LARP4B: variants seen among roughly 807,000 people sequenced by gnomAD.
LARP4B encodes the protein La ribonucleoprotein 4B, also known as la-related protein 4B.
LARP4B carries 12 observed loss-of-function variants against 89.8 expected under a neutral mutation model. The observed-to-expected ratio is 0.13, with a 90% CI of 0.09 to 0.22. The LOEUF is 0.22. Ranked by LOEUF, LARP4B falls within the 10% of genes least tolerant of loss-of-function variation. The probability of loss-of-function intolerance (pLI) is 1.00; values close to 1 mark genes in which losing one functional copy is unlikely to be tolerated. For synonymous variants in LARP4B, 367 were observed against 363.3 expected, an observed-to-expected ratio of 1.01 and a Z score of -0.12; for missense variants, 757 against 947.7, an observed-to-expected ratio of 0.80 and a Z score of 2.64.
intron 7 of LARP4B, among the ~76,000 whole-genome samples, chr10:837,848 A>C (rs910090179): frequency 2.0e-5 from 3 of 152,188 alleles, no homozygotes; most frequent in Non-Finnish European, 2.9e-5. Flanking sequence ...TAGGTACAAC[A>C]CCAAAAGCAA....
At chr10:946,040 G>A in the LARP4B span, among the ~76,000 whole-genome samples, 1 of 152,184 alleles carries the variant, frequency 6.6e-6, no homozygotes, top group African/African-American at 2.4e-5. Flanking sequence ...CAGCGGAGTA[G>A]ACTTGTACCC....
At chr10:943,028 C>G in the LARP4B span, among the ~76,000 whole-genome samples, 1 of 151,154 alleles carries the variant, frequency 6.6e-6, no homozygotes, top group African/African-American at 2.4e-5. Flanking sequence ...CTCACTGCAG[C>G]TTCTGCCTCC....
intron 6 of LARP4B, among the ~76,000 whole-genome samples, chr10:843,652 T>A (rs946584710): frequency 1.1e-4 from 16 of 151,646 alleles, no homozygotes; most frequent in Non-Finnish European, 2.4e-4. Flanking sequence ...TGAGCCAAGA[T>A]CACACCACTG....
intron 5 of LARP4B, among the ~76,000 whole-genome samples, chr10:853,758 T>C (rs1408390555): frequency 1.3e-5 from 2 of 152,190 alleles, no homozygotes; most frequent in Non-Finnish European, 2.9e-5. Flanking sequence ...ATAATAATCT[T>C]TTTTGCTGGT....
intron 3 of LARP4B, among the ~76,000 whole-genome samples, chr10:877,149 G>C (rs1305921468): frequency 1.3e-5 from 2 of 152,216 alleles, no homozygotes; most frequent in Non-Finnish European, 2.9e-5. Flanking sequence ...TGATGGGCCT[G>C]TGATGGGGGA....
chr10:936,490 C>T (rs1381826041), upstream of LARP4B, among the ~76,000 whole-genome samples: 3 of 152,098 alleles, frequency 2.0e-5, no homozygotes, highest in Admixed American at 6.6e-5. Context: ...GAGGCCGAGG[C>T]GGGTGTATCA....
At chr10:977,892 A>G in the LARP4B span, among the ~76,000 whole-genome samples, 2 of 152,146 alleles carry the variant, frequency 1.3e-5, no homozygotes, top group African/African-American at 4.8e-5. Flanking sequence ...ATGAAAGGCA[A>G]GGGTGGACTG....
chr10:936,693 G>T (rs139503023), upstream of LARP4B, among the ~76,000 whole-genome samples: 2 of 152,140 alleles, frequency 1.3e-5, no homozygotes, highest in African/African-American at 2.4e-5. Flanking sequence ...TTGCACTCCA[G>T]TCTGGGCAAC....
At chr10:871,208 A>G (rs1835183426) in intron 3 of LARP4B, among the ~76,000 whole-genome samples, 1 of 152,196 alleles carries the variant, frequency 6.6e-6, no homozygotes, top group Non-Finnish European at 1.5e-5. Context: ...TGAACTCTTC[A>G]CACATATTTC....
chr10:838,245 T>C (rs1767346393), intron 7 of LARP4B, among the ~76,000 whole-genome samples: 2 of 152,250 alleles, frequency 1.3e-5, no homozygotes, highest in Admixed American at 1.3e-4. Context: ...ACTTCTTAGA[T>C]ACCACACTAA....
At chr10:988,262 T>C in the LARP4B span, 4 of 565,812 alleles carry the variant, frequency 7.1e-6, no homozygotes, top group African/African-American at 1.9e-5. Flanking sequence ...CTCTCCTCTG[T>C]ACCCTCGCTC....
the LARP4B span, among the ~76,000 whole-genome samples, chr10:975,877 G>A: frequency 4.0e-5 from 6 of 151,046 alleles, no homozygotes; most frequent in African/African-American, 1.2e-4. Flanking sequence ...CGTAATGTGT[G>A]GACCCAGCCT....
the LARP4B span, among the ~76,000 whole-genome samples, chr10:959,123 G>A: frequency 6.6e-6 from 1 of 152,160 alleles, no homozygotes; most frequent in Non-Finnish European, 1.5e-5. Flanking sequence ...GACAGTGGGT[G>A]CTGGCTGAGT....
At chr10:965,084 G>A in the LARP4B span, among the ~76,000 whole-genome samples, 1 of 152,216 alleles carries the variant, frequency 6.6e-6, no homozygotes, top group Non-Finnish European at 1.5e-5. Context: ...AGTGGACGGG[G>A]GACCTGCTAG....
chr10:955,057 G>A, the LARP4B span, among the ~76,000 whole-genome samples: 1 of 81,972 alleles, frequency 1.2e-5, no homozygotes, highest in Admixed American at 1.2e-4. This position sits in a 1 kb window ranked among gnomAD's most constrained non-coding sequence, Gnocchi z 5.2. Context: ...TCCCATCCAC[G>A]CTTCCCCAGG....
At chr10:842,787 G>C in intron 7 of LARP4B, 145 bp downstream of exon 7, 4 of 693,158 alleles carry the variant, frequency 5.8e-6, no homozygotes, top group Non-Finnish European at 9.3e-6. Context: ...TATTGGACCT[G>C]GGCAGAAAGG....
intron 1 of LARP4B, among the ~76,000 whole-genome samples, chr10:917,698 A>C (rs929450258): frequency 6.6e-6 from 1 of 152,252 alleles, no homozygotes; most frequent in Non-Finnish European, 1.5e-5. Context: ...AATTCATGTA[A>C]GTATTACCAG....
intron 3 of LARP4B, among the ~76,000 whole-genome samples, chr10:871,812 T>C (rs1257747412): frequency 1.3e-5 from 2 of 152,200 alleles, no homozygotes; most frequent in African/African-American, 4.8e-5. Flanking sequence ...CTATCTGCTT[T>C]GTTAACGTCC....
At chr10:862,269 A>ACAC (rs1459950310) in intron 5 of LARP4B, among the ~76,000 whole-genome samples, 1 of 143,898 alleles carries the variant, frequency 6.9e-6, no homozygotes, top group Non-Finnish European at 1.6e-5. Context: ...AAAAAAAAAA[A>ACAC]AAAAAAAAAA....
Sources: gnomAD v4.1 joint callset for allele counts (sites outside exome capture counted in the v4.1 genomes callset) on GRCh38, gnomAD v4.1.1 for gene constraint, Gnocchi (gnomAD v3.1) non-coding constraint, MANE v1.5 for transcripts, NCBI Gene and HGNC (gene_info 2026-07-23, HGNC 2026-07-21) for gene names.